The following OPCML variants were observed in gnomAD, a reference collection of about 807,000 sequenced individuals.
The protein encoded by OPCML is opioid-binding protein/cell adhesion molecule.
A neutral mutation model predicts 37.8 loss-of-function variants in OPCML; 13 were observed. The observed-to-expected ratio is 0.34, with a 90% CI of 0.22 to 0.55. OPCML has a LOEUF of 0.55. Among genes scored for constraint, OPCML ranks in the 20% least tolerant of loss-of-function variants. The pLI is 0.91. For missense variants in OPCML, 341 were observed against 435.6 expected, an observed-to-expected ratio of 0.78 and a Z score of 1.93; for synonymous variants, 176 against 168.8, an observed-to-expected ratio of 1.04 and a Z score of -0.33.
chr11:132,527,260 G>C (rs962568070), intron 4 of OPCML, among the ~76,000 whole-genome samples: 1 of 152,160 alleles, frequency 6.6e-6, no homozygotes, highest in African/African-American at 2.4e-5. Context: ...GAGTGGAATT[G>C]CTGGGTCGTA....
chr11:132,981,359 T>G (rs918388638), intron 1 of OPCML, among the ~76,000 whole-genome samples: 3 of 152,186 alleles, frequency 2.0e-5, no homozygotes, highest in Non-Finnish European at 4.4e-5. Flanking sequence ...GGGCCCACTC[T>G]GCAGGCAGCA....
intron 1 of OPCML, among the ~76,000 whole-genome samples, chr11:133,407,999 C>T (rs892108374): frequency 1.3e-5 from 2 of 152,080 alleles, no homozygotes; most frequent in Non-Finnish European, 2.9e-5. Flanking sequence ...AGCAATTTGC[C>T]GTCCTAGAAT....
chr11:132,792,857 C>T (rs1349298222), intron 2 of OPCML, among the ~76,000 whole-genome samples: 1 of 151,988 alleles, frequency 6.6e-6, no homozygotes, highest in Non-Finnish European at 1.5e-5. Flanking sequence ...TTCGCCGGGC[C>T]CGGGCAGCAC....
chr11:132,827,415 C>T (rs1205861281), intron 2 of OPCML, among the ~76,000 whole-genome samples: 1 of 152,152 alleles, frequency 6.6e-6, no homozygotes, highest in Non-Finnish European at 1.5e-5. Context: ...ACACCAAATT[C>T]TGGCAAAGAT....
chr11:133,448,737 A>G (rs947476363), intron 1 of OPCML, among the ~76,000 whole-genome samples: 31 of 152,190 alleles, frequency 2.0e-4, no homozygotes, highest in Middle Eastern at 3.2e-3. Flanking sequence ...GATTACAGGC[A>G]TGAGCCACCT....
intron 2 of OPCML, among the ~76,000 whole-genome samples, chr11:132,813,706 T>G (rs1939474185): frequency 6.6e-6 from 1 of 152,150 alleles, no homozygotes; most frequent in Non-Finnish European, 1.5e-5. Flanking sequence ...GCTTTATCCC[T>G]CATCATTGCC....
chr11:132,960,477 A>T (rs139819183), intron 1 of OPCML, among the ~76,000 whole-genome samples: 5 of 152,302 alleles, frequency 3.3e-5, no homozygotes, highest in African/African-American at 1.2e-4. Context: ...AGGGGAACAG[A>T]AACCGGAGGC....
chr11:132,929,030 T>C (rs1259060172), intron 2 of OPCML, among the ~76,000 whole-genome samples: 2 of 150,996 alleles, frequency 1.3e-5, no homozygotes, highest in East Asian at 3.9e-4. Context: ...CAATCTAATT[T>C]TAAGCCTTAA....
At chr11:133,280,695 A>C (rs983466184) in intron 1 of OPCML, among the ~76,000 whole-genome samples, 1 of 152,178 alleles carries the variant, frequency 6.6e-6, no homozygotes, top group African/African-American at 2.4e-5. Flanking sequence ...AACAGTGCAT[A>C]TGGAATATGA....
chr11:132,796,358 T>A (rs952063914), intron 2 of OPCML, among the ~76,000 whole-genome samples: 1 of 152,202 alleles, frequency 6.6e-6, no homozygotes, highest in African/African-American at 2.4e-5. Context: ...CATTTGCGCA[T>A]AAGTTTTTGT....
At chr11:133,498,716 A>G (rs1009667674) in intron 1 of OPCML, among the ~76,000 whole-genome samples, 1 of 152,208 alleles carries the variant, frequency 6.6e-6, no homozygotes, top group Non-Finnish European at 1.5e-5. Context: ...TTTATGCTCC[A>G]CTTAATAGGA....
chr11:133,140,237 C>T (rs985702023), intron 1 of OPCML, among the ~76,000 whole-genome samples: 3 of 141,584 alleles, frequency 2.1e-5, no homozygotes, highest in Admixed American at 7.2e-5. Flanking sequence ...ATAGGCTGGA[C>T]GCGGTGGCTT....
chr11:133,027,904 C>G (rs1315091769), intron 1 of OPCML, among the ~76,000 whole-genome samples: 1 of 52,162 alleles, frequency 1.9e-5, no homozygotes, highest in Non-Finnish European at 4.0e-5. Flanking sequence ...GTGTGAAGGA[C>G]AGCTGACAGA....
At chr11:133,024,332 T>A in intron 1 of OPCML, 2 of 984,930 alleles carry the variant, frequency 2.0e-6, no homozygotes, top group Non-Finnish European at 2.4e-6. Context: ...GGGAAGGAAG[T>A]GCGTTCTTTA....
At chr11:132,633,793 TAG>T (rs1260283418) in intron 3 of OPCML, among the ~76,000 whole-genome samples, 3 of 152,106 alleles carry the variant, frequency 2.0e-5, no homozygotes, top group African/African-American at 7.2e-5. Flanking sequence ...TGTTACTTGG[TAG>T]AGTTTCTTTT....
intron 1 of OPCML, among the ~76,000 whole-genome samples, chr11:133,389,046 AGCTCTAACCTCAGTACTTG>A: frequency 6.6e-6 from 1 of 152,212 alleles, no homozygotes; most frequent in Non-Finnish European, 1.5e-5. Context: ...TGAGCCCTCA[AGCTCTAACCTCAGTACTTG>A]GCTCTCAACC....
intron 2 of OPCML, among the ~76,000 whole-genome samples, chr11:132,883,292 G>A (rs145108407): frequency 1.3e-5 from 2 of 151,838 alleles, no homozygotes; most frequent in African/African-American, 4.8e-5. Flanking sequence ...AAAGGGGGCT[G>A]AAACAATCAC....
intron 2 of OPCML, among the ~76,000 whole-genome samples, chr11:132,693,031 G>T (rs928878521): frequency 1.2e-4 from 19 of 152,208 alleles, no homozygotes; most frequent in Non-Finnish European, 8.8e-5. Flanking sequence ...TACAAGTAAA[G>T]GAGAACTTGG....
At chr11:133,400,605 C>T (rs1473573461) in intron 1 of OPCML, among the ~76,000 whole-genome samples, 1 of 152,076 alleles carries the variant, frequency 6.6e-6, no homozygotes, top group African/African-American at 2.4e-5. Context: ...AAATGGCAAA[C>T]TTTATGTTAT....
Sources: gnomAD v4.1 joint callset for allele counts (sites outside exome capture counted in the v4.1 genomes callset) on GRCh38, gnomAD v4.1.1 for gene constraint, MANE v1.5 for transcripts, NCBI Gene and HGNC (gene_info 2026-07-23, HGNC 2026-07-21) for gene names.